The following ANKS1B variants were observed in gnomAD, a reference collection of about 807,000 sequenced individuals.
ANKS1B encodes the protein ankyrin repeat and sterile alpha motif domain containing 1B.
Under a neutral mutation model 148.3 loss-of-function variants are expected in ANKS1B, and 36 were observed. The observed-to-expected ratio is 0.24, with a 90% CI of 0.19 to 0.32. The LOEUF is 0.32. ANKS1B is among the 10% of genes least tolerant of loss of function. The pLI is 1.00. For synonymous variants in ANKS1B, 542 were observed against 560.8 expected (o/e 0.97, Z 0.47); for missense variants, 1,157 against 1,542.6 (o/e 0.75, Z 4.19).
intron 8 of ANKS1B, among the ~76,000 whole-genome samples, chr12:99,743,462 G>T (rs1337278133): frequency 6.6e-6 from 1 of 152,100 alleles, no homozygotes; most frequent in African/African-American, 2.4e-5. Flanking sequence ...ATTTTGGAAT[G>T]GCAAGTCATC....
At chr12:98,931,740 T>C (rs1001798186) in intron 17 of ANKS1B, 3 of 152,218 alleles carry the variant, frequency 2.0e-5, no homozygotes, top group Non-Finnish European at 4.4e-5. Flanking sequence ...ACTGCTTTTT[T>C]AGTTAATACT....
At chr12:98,908,887 T>C (rs1254780862) in intron 17 of ANKS1B, among the ~76,000 whole-genome samples, 1 of 152,224 alleles carries the variant, frequency 6.6e-6, no homozygotes, top group East Asian at 1.9e-4. Flanking sequence ...GTTGGGTTTA[T>C]GCTATAAACA....
At chr12:99,399,961 CA>C in intron 11 of ANKS1B, 150 bp from the exon 12 acceptor site, 1 of 657,868 alleles carries the variant, frequency 1.5e-6, no homozygotes, top group Non-Finnish European at 2.5e-6. Flanking sequence ...TACAGAGATA[CA>C]TTAATTTCTT....
At position 99,848,742 on chromosome 12, in the gene ANKS1B, T is replaced by C. The variant is rs562595023; in HGVS notation, c.135-23353A>G. Among the ~76,000 whole-genome samples the C allele has an allele frequency of 2.6e-5, 4 of 151,010 alleles. No homozygotes were observed. The East Asian group carries it at 5.8e-4, about 22-fold the overall frequency. ...GCCTAAATATTAAAGGGCAAAACAA[T>C]AAAATTTCTAGAAGAAAAAAATTTA... is the stretch of plus-strand genomic sequence containing the variant. On this transcript the variant is annotated intron_variant, in intron 1 of 26. Transcript: ENST00000683438.
At chr12:98,911,117 T>G (rs2099786256) in intron 17 of ANKS1B, among the ~76,000 whole-genome samples, 1 of 152,052 alleles carries the variant, frequency 6.6e-6, no homozygotes, top group African/African-American at 2.4e-5. Flanking sequence ...TTTTTTAAAC[T>G]GTGATATTTT....
chr12:98,915,045 G>T (rs1367262264), intron 17 of ANKS1B, among the ~76,000 whole-genome samples: 3 of 152,108 alleles, frequency 2.0e-5, no homozygotes, highest in Non-Finnish European at 2.9e-5. Context: ...CTGAGAACTT[G>T]TTATGGGTTG....
At chr12:99,225,408 G>A (rs2085753988) in intron 14 of ANKS1B, among the ~76,000 whole-genome samples, 2 of 152,188 alleles carry the variant, frequency 1.3e-5, no homozygotes. Context: ...CTTAATTTGG[G>A]TTTTCTAAAA....
chr12:99,564,202 G>C (rs1249490799), intron 9 of ANKS1B, among the ~76,000 whole-genome samples: 3 of 151,918 alleles, frequency 2.0e-5, no homozygotes, highest in African/African-American at 7.2e-5. Flanking sequence ...TTGCCAAAAG[G>C]TTCATACAAA....
chr12:98,783,547 G>A (rs990944226), intron 22 of ANKS1B, among the ~76,000 whole-genome samples: 2 of 152,176 alleles, frequency 1.3e-5, no homozygotes, highest in African/African-American at 4.8e-5. Context: ...TTGACAGAGT[G>A]GGGCCAGTCT....
intron 1 of ANKS1B, among the ~76,000 whole-genome samples, chr12:99,827,581 G>A (rs1017988471): frequency 5.9e-5 from 9 of 152,120 alleles, no homozygotes; most frequent in Admixed American, 2.0e-4. Flanking sequence ...GTGAGAGGTG[G>A]TCATTTGTTT....
intron 1 of ANKS1B, among the ~76,000 whole-genome samples, chr12:99,946,179 T>G (rs1029634639): frequency 1.3e-5 from 2 of 151,982 alleles, no homozygotes; most frequent in Admixed American, 6.6e-5. Flanking sequence ...TTGCTCTGAG[T>G]GGGGAAAGGA....
At chr12:98,786,612 G>C (rs1362182183) in intron 22 of ANKS1B, among the ~76,000 whole-genome samples, 1 of 152,194 alleles carries the variant, frequency 6.6e-6, no homozygotes, top group African/African-American at 2.4e-5. Flanking sequence ...AGAATCAGTA[G>C]TATGGAGATA....
intron 9 of ANKS1B, among the ~76,000 whole-genome samples, chr12:99,632,756 TATATATATA>T (rs1567522831): frequency 1.2e-4 from 11 of 90,836 alleles, no homozygotes; most frequent in East Asian, 2.9e-4. Context: ...TATATATATA[TATATATATA>T]TATTTTAATT....
intron 12 of ANKS1B, among the ~76,000 whole-genome samples, chr12:99,275,217 TTTAG>T (rs1489752490): frequency 6.6e-6 from 1 of 152,160 alleles, no homozygotes; most frequent in African/African-American, 2.4e-5. Context: ...ATTCTACCTT[TTTAG>T]TTATTTTAAA....
intron 17 of ANKS1B, among the ~76,000 whole-genome samples, chr12:98,851,669 C>A (rs1300085981): frequency 6.6e-6 from 1 of 152,050 alleles, no homozygotes; most frequent in African/African-American, 2.4e-5. Context: ...AGATGTCCAG[C>A]ATATAGTGTA....
chr12:99,323,163 G>GAT (rs1218791391), intron 12 of ANKS1B, among the ~76,000 whole-genome samples: 1 of 152,144 alleles, frequency 6.6e-6, no homozygotes, highest in Non-Finnish European at 1.5e-5. Context: ...TCAGCATACT[G>GAT]ATATATCCTC....
In ANKS1B at chr12:99,695,547, T is replaced by G. The variant is rs148737829; in HGVS notation, c.1129-40337A>C. On this transcript the variant is annotated intron_variant, in intron 8 of 26. Transcript: ENST00000683438. Reference sequence around the variant, plus strand: ...ATTGCTATCACTGTCTTATGCATGGTGGTGCCTCACTAATGAAAGATTCAG... The same window carrying G: ...ATTGCTATCACTGTCTTATGCATGGGGGTGCCTCACTAATGAAAGATTCAG... Among the ~76,000 whole-genome samples the G allele has an allele frequency of 1.6e-4, 24 of 152,330 alleles. No individual in the cohort carries two copies. The East Asian group carries it at 2.5e-3, about 16-fold the overall frequency.
In ANKS1B at chr12:99,186,840, C is replaced by T. The variant is rs566087117; in HGVS notation, c.2420-32445G>A. On this transcript the variant is annotated intron_variant, in intron 14 of 26. Transcript: ENST00000683438. The stretch of plus-strand genomic sequence containing the variant: ...TCTTCTCCAAAGGATCATAACTCCT[C>T]GCCAGCAAGGGAACAAAACTGGATG... 2.6e-3 allele frequency among the ~76,000 whole-genome samples: 390 copies of T among 152,088 alleles called. 1 individual carries two copies. The highest frequency in any genetic ancestry group is 8.8e-3 in the African/African-American group (364 of 41,490).
chr12:98,812,333 G>A (rs1296652201), intron 19 of ANKS1B, among the ~76,000 whole-genome samples: 2 of 152,152 alleles, frequency 1.3e-5, no homozygotes, highest in African/African-American at 2.4e-5. Flanking sequence ...GTAACATGCT[G>A]TACAGGTTGG....
Sources: allele counts gnomAD v4.1 joint callset (sites outside exome capture counted in the v4.1 genomes callset), GRCh38; gene constraint gnomAD v4.1.1; transcripts MANE v1.5; gene names NCBI Gene and HGNC (gene_info 2026-07-23, HGNC 2026-07-21).